The following TTN variants were observed in gnomAD, a reference collection of about 807,000 sequenced individuals.
The protein encoded by TTN is titin.
TTN carries 1,525 observed loss-of-function variants against 3,223.0 expected under a neutral mutation model. That is an observed-to-expected ratio of 0.47 (90% CI 0.45 to 0.49). The LOEUF (loss-of-function observed/expected upper bound fraction) is 0.49, where lower values mean the gene tolerates loss of function less well. Ranked by LOEUF, TTN falls within the 20% of genes least tolerant of loss-of-function variation. The pLI, the probability that TTN is intolerant of heterozygous loss-of-function variation, is 0.00. For missense variants in TTN, 40,786 were observed against 43,424.0 expected, an observed-to-expected ratio of 0.94 and a Z score of 5.40; for synonymous variants, 14,094 against 15,161.0, an observed-to-expected ratio of 0.93 and a Z score of 5.17.
chr2:178,593,490 G>A lies in TTN; in HGVS notation c.58733-15C>T. ...ATCAGGAACCCCTGTAACAAATGTT[G>A]GAAAATGCGTTAGAAATTTATTTCT... On this transcript the variant is annotated splice_polypyrimidine_tract_variant and intron_variant, in intron 298 of 362. Coordinates refer to ENST00000589042, the MANE Select transcript of TTN (RefSeq NM_001267550.2). 3.1e-6 allele frequency: 5 copies of A among 1,600,324 alleles called. No homozygotes were observed. The highest frequency in any genetic ancestry group is 4.2e-6 in the Non-Finnish European group (5 of 1,176,746).
At position 178,604,216 on chromosome 2, in the gene TTN, T is replaced by A. The variant is rs779495049; in HGVS notation, c.54471A>T (p.Lys18157Asn). 15 of 1,610,098 alleles carry A rather than the reference T, an allele frequency of 9.3e-6. No individual in the cohort carries two copies. In the Middle Eastern group the frequency reaches 5.0e-4, roughly 53 times the overall value. The change falls in exon 282 of 363, where the codon AAA becomes AAT. Residue 18157 changes from lysine (K) to asparagine (N), a missense_variant. Coordinates refer to ENST00000589042, the MANE Select transcript of TTN (RefSeq NM_001267550.2). ...GGCGATAAGGATCTTGAATGACTAC[T>A]TTATCTGATTTGCACTCATCACTGA... is the stretch of plus-strand genomic sequence containing the variant. ...YGISDECKSD[K>N]VVIQDPYRLP...
Position 178,576,158 on chromosome 2 carries a change from C to A in TTN, c.69974G>T (p.Gly23325Val). 1 of 1,613,114 alleles carries A rather than the reference C, an allele frequency of 6.2e-7. No individual in the cohort carries two copies. The highest frequency in any genetic ancestry group is 1.1e-5 in the South Asian group (1 of 90,976). ...AACATCTGGAATCACCGCTGGCTCC[C>A]CAACACCTGCATCGTTGATGGCACT... ...RISAINDAGV[G>V]EPAVIPDVEI... The change falls in exon 326 of 363, where the codon GGG (glycine) becomes GTG (valine). Residue 23325 changes from glycine (G) to valine (V), a missense_variant. By Grantham distance (109) the Gly-to-Val change is moderately radical. Coordinates refer to ENST00000589042, the MANE Select transcript of TTN (RefSeq NM_001267550.2). This position sits in a 1 kb window ranked among gnomAD's most constrained non-coding sequence, Gnocchi z 4.3.
rs779376692 is a variant in TTN, at chr2:178,543,056, A to C, written c.96904+13T>G. On this transcript the variant is annotated intron_variant, in intron 347 of 362. Coordinates refer to ENST00000589042, the MANE Select transcript of TTN (RefSeq NM_001267550.2). Reference sequence around the variant, plus strand: ...CTTTACTTTTTTTTTTTTTTTGGCTATTTGGTACATACCTCTGAGGTCTTG... The same window carrying C: ...CTTTACTTTTTTTTTTTTTTTGGCTCTTTGGTACATACCTCTGAGGTCTTG... 9 of 1,455,122 alleles carry C rather than the reference A, an allele frequency of 6.2e-6. No homozygotes were observed. The African/African-American group carries it at 1.4e-4, about 23-fold the overall frequency. 90.1% of individuals were successfully genotyped at this position (1,455,122 alleles called of 1,614,324 possible). A position where few individuals can be genotyped will look rare whatever the true frequency, so the allele number is the denominator to read the frequency against.
rs1392186128 is a variant in TTN at position 178,635,156 on chromosome 2, A to G, written c.42024+9T>C. ...TATGACTAACAATTTAAAATGTGAA[A>G]TTACTCACAGGTGAGGGCCTTAGAA... On this transcript the variant is annotated intron_variant, in intron 228 of 362. Transcript: ENST00000589042. 2.5e-6 allele frequency: 4 copies of G among 1,609,152 alleles called. No individual in the cohort carries two copies. The East Asian group carries it at 6.7e-5, about 27-fold the overall frequency.
chr2:178,730,716 T>C lies in TTN; in HGVS notation c.17817A>G (p.Glu5939=). The stretch of plus-strand genomic sequence containing the variant: ...TGGGATGTGACCCAGCCACTATACA[T>C]TCTAAATCAATGAAAGAACCTTTAA... ...DSIKGSFIDL[E]CIVAGSHPIS... is the part of the protein sequence containing the mutation. The change falls in exon 61 of 363, where the codon GAA becomes GAG. Residue 5939 remains glutamate, a synonymous_variant. Transcript: ENST00000589042. 5 of 1,613,586 alleles carry C rather than the reference T, an allele frequency of 3.1e-6. No individual in the cohort carries two copies. Among genetic ancestry groups the C allele is most frequent in the Non-Finnish European group, 4.2e-6 (5 of 1,179,632 alleles).
At chr2:178,619,113 T>C (rs1208157991) in intron 250 of TTN, 2 of 522,068 alleles carry the variant, frequency 3.8e-6, no homozygotes, top group Non-Finnish European at 6.7e-6. Flanking sequence ...AATAGTAACA[T>C]AGGACTCAGT....
chr2:178,805,755 G>A (rs963369629), intron 1 of TTN, among the ~76,000 whole-genome samples: 1 of 152,138 alleles, frequency 6.6e-6, no homozygotes, highest in African/African-American at 2.4e-5. Context: ...TCTTAATATG[G>A]AACAATTTGC....
chr2:178,722,132 G>C lies in TTN; in HGVS notation c.22531C>G (p.Pro7511Ala), dbSNP rs727505333. Residue 7511 changes from proline (P) to alanine (A), a missense_variant and splice_region_variant, in exon 78 of 363, where the codon CCC becomes GCC. Coordinates refer to ENST00000589042, the MANE Select transcript of TTN (RefSeq NM_001267550.2). ...ATGTCAAAGAAGGGAGATTTCTTGG[G>C]TTCTGGAGGATGAGAAGAAAGGCAA... ...SSSARLTARE[P>A]KKSPFFDIKP... The C allele has an allele frequency of 6.4e-7, 1 of 1,551,726 alleles. No homozygotes were observed. The highest frequency in any genetic ancestry group is 1.4e-5 in the African/African-American group (1 of 72,388).
Position 178,675,743 on chromosome 2 carries a change from G to A in TTN, c.34465C>T (p.Pro11489Ser), listed in dbSNP as rs755343883. 9 of 1,451,260 alleles carry A rather than the reference G, an allele frequency of 6.2e-6. No homozygotes were observed. 89.9% of individuals were successfully genotyped at this position (1,451,260 alleles called of 1,614,324 possible). A position where few individuals can be genotyped will look rare whatever the true frequency, so the allele number is the denominator to read the frequency against. Residue 11489 changes from proline to serine, a missense_variant, in exon 149 of 363, where the codon CCT (proline) becomes TCT (serine). Transcript: ENST00000589042. The stretch of plus-strand genomic sequence containing the variant: ...TTCTTTTCTGGCTCAGGTTTCTTAG[G>A]TACCACAGACACTTTAAAAATATTA... ...EAPPAKVSVV[P>S]KKPEPEKKVP... is the part of the protein sequence containing the mutation.
rs753966975 is a variant in TTN, at chr2:178,552,195, A to C, written c.90705T>G (p.Asp30235Glu). ...PSKPKGPIRF[D>E]EIKADSVILS... ...GGATGACACTATCAGCCTTGATTTCATCAAATCGAATGGGTCCTTTGGGCT... is the reference window on the plus strand; with the variant it reads ...GGATGACACTATCAGCCTTGATTTCCTCAAATCGAATGGGTCCTTTGGGCT... Residue 30235 changes from aspartate to glutamate, a missense_variant, in exon 335 of 363, where the codon GAT (aspartate) becomes GAG (glutamate). Coordinates refer to ENST00000589042, the MANE Select transcript of TTN (RefSeq NM_001267550.2). The C allele has an allele frequency of 3.7e-6, 6 of 1,613,650 alleles. No homozygotes were observed. Among genetic ancestry groups the C allele is most frequent in the Admixed American group, 1.7e-5 (1 of 59,972 alleles).
intron 45 of TTN, among the ~76,000 whole-genome samples, chr2:178,757,208 A>AAGTACAGCAAGTAATACTGTACTTG (rs1561095013): frequency 1.8e-5 from 1 of 54,964 alleles, no homozygotes; most frequent in African/African-American, 6.7e-5. Flanking sequence ...TACTGTACTT[A>AAGTACAGCAAGTAATACTGTACTTG]CTTTAAGTAC....
rs544334822 is a variant in TTN, at chr2:178,665,333, G to A, written c.36043+44C>T. 17 of 1,527,512 alleles carry A rather than the reference G, an allele frequency of 1.1e-5. 1 individual carries two copies. The South Asian group carries it at 1.9e-4, about 17-fold the overall frequency. 94.6% of individuals were successfully genotyped at this position (1,527,512 alleles called of 1,614,324 possible). On this transcript the variant is annotated intron_variant, in intron 165 of 362. Coordinates refer to ENST00000589042, the MANE Select transcript of TTN (RefSeq NM_001267550.2). ...AAGAAACCATAGTTTTAAGAGCAGA[G>A]GACAGATAATTTCTTCTTCCACATT...
chr2:178,570,768 C>T lies in TTN; in HGVS notation c.75364G>A (p.Val25122Met), dbSNP rs376821762. Residue 25122 changes from valine to methionine, a missense_variant, in exon 326 of 363, where the codon GTG (valine) becomes ATG (methionine). Val to Met is a conservative substitution (Grantham distance 21). Transcript: ENST00000589042. The stretch of plus-strand genomic sequence containing the variant: ...TTGAATGATTCACCAGCATGAACCA[C>T]GATTGTGTCTTTGTATTTTGGATCC... Reference protein sequence around the residue: ...SMDPKYKDTIVVHAGESFKVD... With the variant: ...SMDPKYKDTIMVHAGESFKVD... 8.6e-5 allele frequency: 139 copies of T among 1,613,448 alleles called. No individual in the cohort carries two copies. The highest frequency in any genetic ancestry group is 1.1e-4 in the Non-Finnish European group (132 of 1,179,630).
intron 6 of TTN, chr2:178,799,205 C>T: frequency 2.1e-5 from 9 of 423,018 alleles, no homozygotes; most frequent in South Asian, 1.9e-4. Flanking sequence ...CCAAATGTTG[C>T]ATTTCCCAAG....
Position 178,635,326 on chromosome 2 carries a change from T to A in TTN, c.41885-22A>T, listed in dbSNP as rs764274193. 6.8e-6 allele frequency: 11 copies of A among 1,611,820 alleles called. No homozygotes were observed. In the East Asian group the frequency reaches 2.0e-4, roughly 29 times the overall value. On this transcript the variant is annotated intron_variant, in intron 227 of 362. Coordinates refer to ENST00000589042, the MANE Select transcript of TTN (RefSeq NM_001267550.2). ...CGCTCTGTATTGGTCAGGGATGAAG[T>A]AACATAATGCTTTAGACAACCCAAC...
intron 326 of TTN, 47 bp from the exon 327 acceptor site, chr2:178,558,684 T>G (rs1575595099): frequency 6.4e-7 from 1 of 1,558,174 alleles, no homozygotes; most frequent in African/African-American, 1.4e-5. Context: ...ATTACAGCAC[T>G]TTTAAATGTG....
At position 178,565,944 on chromosome 2, in the gene TTN, A is replaced by G. The variant is rs768686591; in HGVS notation, c.80188T>C (p.Tyr26730His). 1 of 1,613,584 alleles carries G rather than the reference A, an allele frequency of 6.2e-7. No individual in the cohort carries two copies. The highest frequency in any genetic ancestry group is 1.1e-5 in the South Asian group (1 of 91,072). Residue 26730 changes from tyrosine (Y) to histidine (H), a missense_variant, in exon 326 of 363, where the codon TAT (tyrosine) becomes CAT (histidine). Physicochemically the swap from Tyr to His is moderately conservative, Grantham distance 83. Transcript: ENST00000589042. ...CTGCATTTACTACTCACATTAGCAT[A>G]CGCTTTTCTGGTTGACTCACGTTTG... ...IDKRESTRKA[Y>H]ANVSSKCSKT...
At position 178,717,596 on chromosome 2, in the gene TTN, G is replaced by T. The variant is rs1409245989; in HGVS notation, c.25278C>A (p.His8426Gln). Reference protein sequence around the residue: ...TLQILQTDQSHIGQYNCSASN... With the variant: ...TLQILQTDQSQIGQYNCSASN... ...AAGCAGAGCAATTATACTGCCCTAT[G>T]TGGCTCTGGTCAGTTTGTAAAATCT... The change falls in exon 87 of 363, where the codon CAC becomes CAA. Residue 8426 changes from histidine to glutamine, a missense_variant. Transcript: ENST00000589042. 1 of 1,613,290 alleles carries T rather than the reference G, an allele frequency of 6.2e-7. No individual in the cohort carries two copies. The highest frequency in any genetic ancestry group is 1.1e-5 in the South Asian group (1 of 91,018).
At chr2:178,598,190 T>C in intron 292 of TTN, 132 bp from the exon 293 acceptor site, 1 of 1,084,922 alleles carries the variant, frequency 9.2e-7, no homozygotes, top group Non-Finnish European at 1.3e-6. Context: ...GTTTAGGTTT[T>C]AGGGATCAGA....
Sources: allele counts gnomAD v4.1 joint callset (sites outside exome capture counted in the v4.1 genomes callset), GRCh38; gene constraint gnomAD v4.1.1; non-coding constraint Gnocchi (gnomAD v3.1); transcripts MANE v1.5; gene names NCBI Gene and HGNC (gene_info 2026-07-23, HGNC 2026-07-21).